ERC1: variants seen among roughly 807,000 people sequenced by gnomAD.
ERC1 encodes RAB6 interacting protein 2.
Under a neutral mutation model 132.0 loss-of-function variants are expected in ERC1, and 56 were observed. The observed-to-expected ratio is 0.42, with a 90% confidence interval of 0.34 to 0.53. ERC1 has a LOEUF of 0.53. ERC1 is among the 20% of genes least tolerant of loss of function. The pLI is 0.03. For synonymous variants in ERC1, 478 were observed against 476.1 expected, an observed-to-expected ratio of 1.00 and a Z score of -0.05; for missense variants, 1,202 against 1,349.9, an observed-to-expected ratio of 0.89 and a Z score of 1.72.
chr12:1,232,276 T>C (rs1373665241), intron 12 of ERC1, among the ~76,000 whole-genome samples: 2 of 152,224 alleles, frequency 1.3e-5, no homozygotes, highest in African/African-American at 2.4e-5. Context: ...AATTCAATTA[T>C]AATGTGTTTC....
chr12:1,106,263 C>T (rs930850495), intron 4 of ERC1, among the ~76,000 whole-genome samples: 1 of 152,156 alleles, frequency 6.6e-6, no homozygotes, highest in Non-Finnish European at 1.5e-5. Flanking sequence ...ACATTCAATC[C>T]ATACTAGCTG....
intron 6 of ERC1, 36 bp downstream of exon 6, chr12:1,112,334 G>A: frequency 6.8e-7 from 1 of 1,479,048 alleles, no homozygotes. Context: ...TGTGTGCAGT[G>A]GTCCCACAGT....
chr12:1,373,988 A>G (rs2087566448), intron 16 of ERC1, among the ~76,000 whole-genome samples: 1 of 152,194 alleles, frequency 6.6e-6, no homozygotes, highest in Non-Finnish European at 1.5e-5. Context: ...TCCCTTTTAC[A>G]TTCCTGCCCT....
chr12:1,106,415 G>T (rs1945271770), intron 4 of ERC1, among the ~76,000 whole-genome samples: 1 of 152,098 alleles, frequency 6.6e-6, no homozygotes, highest in Admixed American at 6.5e-5. Flanking sequence ...TTTAATATTT[G>T]TTGATATGAC....
chr12:1,060,667 A>G (rs189053970), intron 2 of ERC1, among the ~76,000 whole-genome samples: 1 of 152,232 alleles, frequency 6.6e-6, no homozygotes, highest in Admixed American at 6.5e-5. Flanking sequence ...ATAGCATGGG[A>G]AAGACTGGCC....
At chr12:1,311,103 A>G (rs996952314) in intron 15 of ERC1, among the ~76,000 whole-genome samples, 6 of 152,274 alleles carry the variant, frequency 3.9e-5, no homozygotes, top group African/African-American at 1.4e-4. Flanking sequence ...ATAAGGATAC[A>G]GGAGGTCCAT....
At chr12:1,063,501 A>C (rs957569667) in intron 2 of ERC1, among the ~76,000 whole-genome samples, 2 of 152,104 alleles carry the variant, frequency 1.3e-5, no homozygotes, top group African/African-American at 4.8e-5. Context: ...ACTTCAGGTG[A>C]TCTACCTGCC....
At chr12:1,356,112 G>C (rs566024193) in intron 15 of ERC1, among the ~76,000 whole-genome samples, 2 of 152,052 alleles carry the variant, frequency 1.3e-5, no homozygotes, top group African/African-American at 4.8e-5. Flanking sequence ...GCTGAGATGG[G>C]AGGATCGCTT....
At chr12:1,075,143 C>T in intron 2 of ERC1, among the ~76,000 whole-genome samples, 1 of 151,954 alleles carries the variant, frequency 6.6e-6, no homozygotes, top group Non-Finnish European at 1.5e-5. Flanking sequence ...GGTTCAGACT[C>T]ATTAAATTAG....
At chr12:1,239,358 A>G (rs1472889078) in intron 13 of ERC1, among the ~76,000 whole-genome samples, 2 of 152,056 alleles carry the variant, frequency 1.3e-5, no homozygotes, top group East Asian at 1.9e-4. Context: ...GCCTGGCCCT[A>G]TGGATCATAT....
At chr12:1,221,829 T>A in intron 12 of ERC1, among the ~76,000 whole-genome samples, 1 of 152,280 alleles carries the variant, frequency 6.6e-6, no homozygotes, top group South Asian at 2.1e-4. Flanking sequence ...GAAGGTAAAA[T>A]GAGAGAGAGT....
At chr12:1,418,583 TTC>T (rs1472413677) in intron 17 of ERC1, among the ~76,000 whole-genome samples, 2 of 100,996 alleles carry the variant, frequency 2.0e-5, no homozygotes, top group African/African-American at 6.9e-5. Context: ...CTTTCTTTCT[TTC>T]TTTCTCTTTC....
intron 17 of ERC1, among the ~76,000 whole-genome samples, chr12:1,440,601 TGTGTG>T (rs2093114106): frequency 8.1e-5 from 1 of 12,388 alleles, no homozygotes; most frequent in Admixed American, 9.8e-4. Context: ...CTCAGCCTTT[TGTGTG>T]TGTGTGTGTG....
At chr12:1,349,470 G>A (rs2084791932) in intron 15 of ERC1, among the ~76,000 whole-genome samples, 1 of 152,084 alleles carries the variant, frequency 6.6e-6, no homozygotes, top group Admixed American at 6.5e-5. Flanking sequence ...AAGACCACCA[G>A]CCTGTCCAAT....
At chr12:1,179,500 C>CTTTTTTTTTTTTTTTTTTTTTTTTTTT (rs58317880) in intron 8 of ERC1, among the ~76,000 whole-genome samples, 1 of 95,758 alleles carries the variant, frequency 1.0e-5, no homozygotes, top group Non-Finnish European at 1.9e-5. Context: ...ATTCATTTTT[C>CTTTTTTTTTTTTTTTTTTTTTTTTTTT]TTTTTTTTTT....
chr12:1,187,044 T>C (rs1351952068), intron 11 of ERC1, among the ~76,000 whole-genome samples: 2 of 152,196 alleles, frequency 1.3e-5, no homozygotes, highest in African/African-American at 4.8e-5. Context: ...TTGGCCAGGC[T>C]GGTCTTAAAC....
chr12:1,366,808 C>T (rs1591563306), intron 15 of ERC1, among the ~76,000 whole-genome samples: 1 of 152,064 alleles, frequency 6.6e-6, no homozygotes, highest in East Asian at 1.9e-4. Context: ...TATGATGGCT[C>T]TATTAACATT....
At chr12:1,466,326 A>G (rs950651449) in intron 18 of ERC1, among the ~76,000 whole-genome samples, 2 of 152,112 alleles carry the variant, frequency 1.3e-5, no homozygotes, top group Non-Finnish European at 2.9e-5. Flanking sequence ...CTCCTGTTAC[A>G]AAGATACCAG....
chr12:1,198,243 T>C (rs1479082940), intron 12 of ERC1, among the ~76,000 whole-genome samples: 1 of 152,196 alleles, frequency 6.6e-6, no homozygotes, highest in South Asian at 2.1e-4. Flanking sequence ...ATTTGGACTC[T>C]TAAGTCTTTG....
Sources: gnomAD v4.1 joint callset for allele counts (sites outside exome capture counted in the v4.1 genomes callset) on GRCh38, gnomAD v4.1.1 for gene constraint, MANE v1.5 for transcripts, NCBI Gene and HGNC (gene_info 2026-07-23, HGNC 2026-07-21) for gene names.